The following SGCE variants were observed in gnomAD, a reference collection of about 807,000 sequenced individuals.
SGCE encodes epsilon-sarcoglycan.
In SGCE, 26 loss-of-function variants were observed where a neutral mutation model predicts 57.8. That is an observed-to-expected ratio of 0.45 (90% confidence interval 0.33 to 0.62). The LOEUF (loss-of-function observed/expected upper bound fraction) is 0.62. Ranked by LOEUF, SGCE falls within the 20% of genes least tolerant of loss-of-function variation. The pLI, the probability that SGCE is intolerant of heterozygous loss-of-function variation, is 0.02. For synonymous variants in SGCE, 183 were observed against 189.5 expected, an observed-to-expected ratio of 0.97 and a Z score of 0.28; for missense variants, 468 against 548.6, an observed-to-expected ratio of 0.85 and a Z score of 1.47.
intron 4 of SGCE, chr7:94,621,788 G>A (rs1294511996): frequency 6.6e-6 from 1 of 152,208 alleles, no homozygotes; most frequent in African/African-American, 2.4e-5. Context: ...CAGCATGTAA[G>A]CATCCAATCA....
chr7:94,613,298 A>G (rs753039679), intron 5 of SGCE, among the ~76,000 whole-genome samples: 23 of 152,352 alleles, frequency 1.5e-4, no homozygotes, highest in Admixed American at 5.2e-4. Flanking sequence ...ACTATGCTAC[A>G]CATGCTAAAA....
chr7:94,625,671 T>C (rs1803602715), intron 3 of SGCE: 1 of 152,144 alleles, frequency 6.6e-6, no homozygotes. Flanking sequence ...AGTACTTTTT[T>C]TTAATTGAAC....
chr7:94,606,727 T>A (rs1726303718), intron 5 of SGCE, among the ~76,000 whole-genome samples: 2 of 152,122 alleles, frequency 1.3e-5, no homozygotes, highest in African/African-American at 4.8e-5. Context: ...CATAAAAAAT[T>A]AACAAATTTA....
intron 9 of SGCE, chr7:94,594,444 C>T (rs1258154401): frequency 1.3e-5 from 2 of 152,066 alleles, no homozygotes; most frequent in Non-Finnish European, 2.9e-5. Flanking sequence ...GGCTATAGCT[C>T]CTCATGACTG....
At chr7:94,619,045 C>T in intron 4 of SGCE, 89 bp from the exon 5 acceptor site, 1 of 914,838 alleles carries the variant, frequency 1.1e-6, no homozygotes, top group Admixed American at 1.7e-5. Context: ...TTGTTGAGTT[C>T]TGTCATAATC....
chr7:94,652,814 GTACCA>G (rs1808085902), intron 1 of SGCE, among the ~76,000 whole-genome samples: 1 of 152,060 alleles, frequency 6.6e-6, no homozygotes, highest in African/African-American at 2.4e-5. Context: ...TAAATTTTCC[GTACCA>G]TACCAGAACT....
intron 5 of SGCE, chr7:94,617,292 G>C (rs1802075847): frequency 6.6e-6 from 1 of 152,234 alleles, no homozygotes; most frequent in East Asian, 1.9e-4. Context: ...GTTTAGTTCA[G>C]GTTCTAAAAG....
intron 5 of SGCE, among the ~76,000 whole-genome samples, chr7:94,612,043 C>T (rs1433152195): frequency 6.6e-6 from 1 of 152,076 alleles, no homozygotes; most frequent in African/African-American, 2.4e-5. Context: ...CAGTTTCTAT[C>T]CTTTTAGTAA....
intron 7 of SGCE, 80 bp from the exon 8 acceptor site, chr7:94,599,803 G>C: frequency 9.8e-7 from 1 of 1,018,938 alleles, no homozygotes; most frequent in Non-Finnish European, 1.5e-6. Context: ...ATGGGATCTT[G>C]CATGATGTGG....
At chr7:94,598,480 A>T in intron 9 of SGCE, 1 of 340,374 alleles carries the variant, frequency 2.9e-6, no homozygotes, top group Non-Finnish European at 5.4e-6. Context: ...TTTTTTTATA[A>T]TTAACTCATC....
rs1039068835 is a variant in SGCE at position 94,611,434 on chromosome 7, G to A, written c.662+7324C>T. Among the ~76,000 whole-genome samples the A allele has an allele frequency of 7.1e-5, 10 of 140,320 alleles. No individual in the cohort carries two copies. In the Admixed American group the frequency reaches 7.8e-4, roughly 11 times the overall value. 92.1% of individuals were successfully genotyped at this position (140,320 alleles called of 152,430 possible). On this transcript the variant is annotated intron_variant, in intron 5 of 10. Transcript: ENST00000648936. Reference sequence around the variant, plus strand: ...TAATTCCATTTATACAAAATGTCCAGAATAGGCACATTTATAGAGACAGCA... The same window carrying A: ...TAATTCCATTTATACAAAATGTCCAAAATAGGCACATTTATAGAGACAGCA...
At chr7:94,647,614 C>A (rs1188723612) in intron 1 of SGCE, among the ~76,000 whole-genome samples, 3 of 152,188 alleles carry the variant, frequency 2.0e-5, no homozygotes, top group Non-Finnish European at 2.9e-5. Flanking sequence ...TCTACCAGGT[C>A]CTGCAAAATT....
rs1796750757 is a variant in SGCE, at chr7:94,585,271, A to G, written c.*228T>C. On this transcript the variant is annotated 3_prime_UTR_variant, in exon 11 of 11. Transcript: ENST00000648936. ...ATTTTAAAGATCAACTTTTATTGTA[A>G]CAAATATAAAGTCATCAATGTTTTA... 1 of 463,852 alleles carries G rather than the reference A, an allele frequency of 2.2e-6. No homozygotes were observed. The highest frequency in any genetic ancestry group is 1.9e-5 in the African/African-American group (1 of 51,316). 28.7% of individuals were successfully genotyped at this position (463,852 alleles called of 1,614,324 possible). A position where few individuals can be genotyped will look rare whatever the true frequency, so the allele number is the denominator to read the frequency against.
chr7:94,643,545 A>G (rs774513396), intron 1 of SGCE, among the ~76,000 whole-genome samples: 39 of 152,334 alleles, frequency 2.6e-4, no homozygotes, highest in Admixed American at 8.5e-4. Flanking sequence ...GAAGTCCAAT[A>G]AATCCCAATA....
At chr7:94,603,138 A>G (rs879929339) in intron 6 of SGCE, 152 bp downstream of exon 6, 4 of 624,654 alleles carry the variant, frequency 6.4e-6, no homozygotes, top group South Asian at 1.9e-5. Flanking sequence ...TGCACTGTCA[A>G]CGAGCTTACC....
rs148126317 is a variant in SGCE, at chr7:94,588,705, G to C, written c.1281C>G (p.Pro427=). ...AGCACTCACCTGTAGTCTGCTGTTGGGGAATCTGAGTCTGATGTGGCAAGT... is the reference window on the plus strand; with the variant it reads ...AGCACTCACCTGTAGTCTGCTGTTGCGGAATCTGAGTCTGATGTGGCAAGT... ...QQNLPHQTQI[P]QQQTTGKWYP is the part of the protein sequence containing the mutation. The change falls in exon 10 of 11, where the codon CCC becomes CCG. Residue 427 remains proline, a synonymous_variant. Coordinates refer to ENST00000648936, the MANE Select transcript of SGCE (RefSeq NM_003919.3). The C allele has an allele frequency of 6.2e-7, 1 of 1,607,816 alleles. No homozygotes were observed. The highest frequency in any genetic ancestry group is 8.5e-7 in the Non-Finnish European group (1 of 1,174,440).
chr7:94,615,421 GATAAA>G (rs1562836178), intron 5 of SGCE, among the ~76,000 whole-genome samples: 2 of 126,516 alleles, frequency 1.6e-5, no homozygotes, highest in Non-Finnish European at 3.6e-5. Flanking sequence ...TAGATAGATA[GATAAA>G]GGGCAATTCT....
chr7:94,623,286 C>T, intron 4 of SGCE, 39 bp downstream of exon 4: 1 of 1,273,528 alleles, frequency 7.9e-7, no homozygotes, highest in South Asian at 1.3e-5. Context: ...TGAAATACTT[C>T]TTATAAATAA....
chr7:94,588,180 G>A, intron 10 of SGCE: 1 of 1,085,132 alleles, frequency 9.2e-7, no homozygotes, highest in Non-Finnish European at 1.1e-6. Flanking sequence ...AATAATCCAA[G>A]GAGAATTGTC....
Sources: allele counts gnomAD v4.1 joint callset (sites outside exome capture counted in the v4.1 genomes callset), GRCh38; gene constraint gnomAD v4.1.1; transcripts MANE v1.5; gene names NCBI Gene and HGNC (gene_info 2026-07-23, HGNC 2026-07-21).